The following ANKDD1A variants were observed in gnomAD, a reference collection of about 807,000 sequenced individuals.
ANKDD1A encodes ankyrin repeat and death domain-containing protein 1A.
In ANKDD1A, 59 loss-of-function variants were observed where a neutral mutation model predicts 63.5. The observed-to-expected ratio is 0.93, with a 90% CI of 0.75 to 1.15. The LOEUF is 1.15. Ranked by LOEUF, ANKDD1A falls within the 50% of genes most tolerant of loss-of-function variation. The probability of loss-of-function intolerance (pLI) is 0.00; values close to 1 mark genes in which losing one functional copy is unlikely to be tolerated. For synonymous variants in ANKDD1A, 266 were observed against 263.9 expected (o/e 1.01, Z -0.08); for missense variants, 632 against 656.4 (o/e 0.96, Z 0.41).
intron 14 of ANKDD1A, among the ~76,000 whole-genome samples, chr15:64,952,941 TC>T (rs2085325969): frequency 8.0e-5 from 7 of 87,310 alleles, no homozygotes; most frequent in South Asian, 6.7e-4. Flanking sequence ...TTCTTCCTCT[TC>T]TTCCTTCTCT....
At chr15:64,918,113 C>T (rs2084983515) in intron 3 of ANKDD1A, among the ~76,000 whole-genome samples, 1 of 152,248 alleles carries the variant, frequency 6.6e-6, no homozygotes, top group African/African-American at 2.4e-5. Context: ...CCTGTAATCT[C>T]AGCACTTTGG....
intron 13 of ANKDD1A, among the ~76,000 whole-genome samples, chr15:64,949,308 A>G (rs1327609153): frequency 1.3e-5 from 2 of 152,242 alleles, no homozygotes; most frequent in East Asian, 1.9e-4. Context: ...TCCCAGGTAC[A>G]TGAGAATCTC....
intron 14 of ANKDD1A, chr15:64,951,149 G>C: frequency 8.9e-7 from 1 of 1,119,416 alleles, no homozygotes; most frequent in South Asian, 2.0e-5. Context: ...GAAATGCACA[G>C]TCATGCAGAG....
In ANKDD1A at chr15:64,953,905, C is replaced by G. The variant is rs2085365205; in HGVS notation, c.1484-3198C>G. Among the ~76,000 whole-genome samples, 4 of 16,080 alleles carry G rather than the reference C, an allele frequency of 2.5e-4. No individual in the cohort carries two copies. The South Asian group carries it at 5.2e-3, about 21-fold the overall frequency. The allele number at this position is 16,080 out of a possible 152,430, so 10.5% of individuals were successfully genotyped here. A position where few individuals can be genotyped will look rare whatever the true frequency, so the allele number is the denominator to read the frequency against. The stretch of plus-strand genomic sequence containing the variant: ...TTTCTTCTTCCTCTTTTCTTTCTTC[C>G]CTCTTCTTTCTTCTCTTTTTCTTTT... On this transcript the variant is annotated intron_variant, in intron 14 of 14. Transcript: ENST00000319580.
rs2085309596 is a variant in ANKDD1A, at chr15:64,952,484, CCTT to C, written c.1483+2514_1483+2516del. Among the ~76,000 whole-genome samples, 3 of 145,940 alleles carry C rather than the reference CCTT, an allele frequency of 2.1e-5. No individual in the cohort carries two copies. The South Asian group carries it at 6.7e-4, about 33-fold the overall frequency. ...CTCCTTCTTCCTTCTCCTTCTTCTT[CCTT>C]CGTCACCGTCTTCTCCTTCTTCTTA... is the stretch of plus-strand genomic sequence containing the variant. On this transcript the variant is annotated intron_variant, in intron 14 of 14. Transcript: ENST00000319580.
chr15:64,942,014 A>G (rs1272666917), intron 9 of ANKDD1A, among the ~76,000 whole-genome samples: 2 of 152,178 alleles, frequency 1.3e-5, no homozygotes, highest in African/African-American at 4.8e-5. Context: ...TAAGTCATTT[A>G]AGTTTTCTGA....
At chr15:64,955,114 C>T (rs1179279686) in intron 14 of ANKDD1A, among the ~76,000 whole-genome samples, 5 of 151,550 alleles carry the variant, frequency 3.3e-5, no homozygotes, top group African/African-American at 4.9e-5. Context: ...AGTGCAGTGG[C>T]GCAATCTTGG....
At chr15:64,912,339 C>T (rs1369948431) in intron 1 of ANKDD1A, among the ~76,000 whole-genome samples, 3 of 152,332 alleles carry the variant, frequency 2.0e-5, no homozygotes, top group South Asian at 4.1e-4. Context: ...ATCTTCATTT[C>T]GCAGATGAGA....
chr15:64,947,352 CT>C, intron 12 of ANKDD1A, 51 bp from the exon 13 acceptor site: 1 of 1,579,570 alleles, frequency 6.3e-7, no homozygotes, highest in Non-Finnish European at 8.6e-7. Flanking sequence ...GGCACTGCCC[CT>C]GTCTGGGATC....
intron 5 of ANKDD1A, among the ~76,000 whole-genome samples, 154 bp downstream of exon 5, chr15:64,926,324 T>A (rs1384262109): frequency 1.3e-5 from 2 of 152,000 alleles, no homozygotes; most frequent in Admixed American, 6.6e-5. Context: ...GGAAGAGGTG[T>A]TGAGGCGCAA....
rs567728700 is a variant in ANKDD1A, at chr15:64,915,706, A to G, written c.35-91A>G. On this transcript the variant is annotated intron_variant, in intron 1 of 14. Transcript: ENST00000319580. ...TAGCTGAAAGACCCCTGCTCCAGAA[A>G]TGTTCAGGAGTGGAAATGGGTTGTT... 90 of 1,089,020 alleles carry G rather than the reference A, an allele frequency of 8.3e-5. No individual in the cohort carries two copies. In the African/African-American group the frequency reaches 1.3e-3, roughly 16 times the overall value. 67.5% of individuals were successfully genotyped at this position (1,089,020 alleles called of 1,614,324 possible).
Position 64,947,521 on chromosome 15 carries a change from G to C in ANKDD1A, c.1279G>C (p.Glu427Gln). Residue 427 changes from glutamate to glutamine, a missense_variant, in exon 13 of 15, where the codon GAG becomes CAG. By Grantham distance (29) the Glu-to-Gln change is conservative (BLOSUM62 2). Transcript: ENST00000319580. ...RLASRYLQPREWKKLAYSWEF... is the reference protein window; with the variant it reads ...RLASRYLQPRQWKKLAYSWEF... ...GGCCTCCAGGTATCTGCAGCCCCGTGAGTGGAAGAAGCTGGCATATTCCTG... is the reference window on the plus strand; with the variant it reads ...GGCCTCCAGGTATCTGCAGCCCCGTCAGTGGAAGAAGCTGGCATATTCCTG... 1 of 1,614,144 alleles carries C rather than the reference G, an allele frequency of 6.2e-7. No homozygotes were observed. Among genetic ancestry groups the C allele is most frequent in the Non-Finnish European group, 8.5e-7 (1 of 1,180,004 alleles).
intron 14 of ANKDD1A, among the ~76,000 whole-genome samples, chr15:64,953,445 C>G (rs1322520469): frequency 2.0e-5 from 2 of 98,606 alleles, no homozygotes; most frequent in Non-Finnish European, 2.1e-5. Flanking sequence ...CCTTCCTTTT[C>G]TTCTTTCTTC....
intron 9 of ANKDD1A, 44 bp from the exon 10 acceptor site, chr15:64,942,423 C>T: frequency 4.7e-6 from 7 of 1,495,526 alleles, no homozygotes; most frequent in Non-Finnish European, 6.4e-6. Flanking sequence ...GCTGGGCAGT[C>T]CTGGGAGGGA....
chr15:64,948,478 G>C (rs951105541), intron 13 of ANKDD1A, among the ~76,000 whole-genome samples: 2 of 152,102 alleles, frequency 1.3e-5, no homozygotes, highest in African/African-American at 4.8e-5. Flanking sequence ...CAATAAAGGG[G>C]ATCTAACCCA....
At chr15:64,944,969 G>A (rs1041821964) in intron 12 of ANKDD1A, among the ~76,000 whole-genome samples, 7 of 152,336 alleles carry the variant, frequency 4.6e-5, no homozygotes, top group Non-Finnish European at 5.9e-5. Flanking sequence ...CCATGCCAGC[G>A]TGGAGATACT....
At chr15:64,953,431 TC>T (rs1472522389) in intron 14 of ANKDD1A, among the ~76,000 whole-genome samples, 2 of 27,784 alleles carry the variant, frequency 7.2e-5, no homozygotes, top group Non-Finnish European at 7.7e-4. Context: ...TTCTTCTTCC[TC>T]CTCCTTCCTT....
At chr15:64,944,060 CA>C (rs1470839470) in intron 11 of ANKDD1A, among the ~76,000 whole-genome samples, 2 of 152,192 alleles carry the variant, frequency 1.3e-5, no homozygotes, top group Admixed American at 6.5e-5. Context: ...GGCACCTGCA[CA>C]TGTGACTCAG....
At chr15:64,950,109 C>T (rs1267102815) in intron 14 of ANKDD1A, 137 bp downstream of exon 14, 1 of 1,475,540 alleles carries the variant, frequency 6.8e-7, no homozygotes, top group Non-Finnish European at 9.0e-7. Flanking sequence ...ACCCCTAGCC[C>T]TGCCCTCTTT....
Sources: allele counts gnomAD v4.1 joint callset (sites outside exome capture counted in the v4.1 genomes callset), GRCh38; gene constraint gnomAD v4.1.1; transcripts MANE v1.5; gene names NCBI Gene and HGNC (gene_info 2026-07-23, HGNC 2026-07-21).